Variants in CPNE7 observed in about 807,000 individuals in gnomAD.
CPNE7 encodes copine 7.
CPNE7 carries 78 observed loss-of-function variants against 66.5 expected under a neutral mutation model. That is an observed-to-expected ratio of 1.17 (90% CI 0.98 to 1.42). CPNE7 has a LOEUF of 1.42. Among genes scored for constraint, CPNE7 ranks in the 40% most tolerant of loss-of-function variants. The probability of loss-of-function intolerance (pLI) is 0.00; values close to 1 mark genes in which losing one functional copy is unlikely to be tolerated. For missense variants in CPNE7, 1,012 were observed against 776.6 expected (o/e 1.30, Z -3.60); for synonymous variants, 468 against 336.7 (o/e 1.39, Z -4.27).
chr16:89,584,543 G>T lies in CPNE7; in HGVS notation c.508-231G>T, dbSNP rs776760220. Among the ~76,000 whole-genome samples, 2 of 151,826 alleles carry T rather than the reference G, an allele frequency of 1.3e-5. No individual in the cohort carries two copies. The highest frequency in any genetic ancestry group is 4.8e-5 in the African/African-American group (2 of 41,362). On this transcript the variant is annotated intron_variant, in intron 4 of 14. Transcript: ENST00000319518. This position sits in a 1 kb window ranked among gnomAD's most constrained non-coding sequence, Gnocchi z 6.0. ...GGGCAAGTCCGTGGAGGGCTGAGTC[G>T]CAGGGTGTGCAGGGTGACTCCATGG...
intron 7 of CPNE7, 83 bp from the exon 8 acceptor site, chr16:89,586,587 A>G (rs2059043178): frequency 1.8e-6 from 2 of 1,126,868 alleles, no homozygotes; most frequent in Non-Finnish European, 2.7e-6. Flanking sequence ...TGCCGTCGCT[A>G]TTGGGGATGG....
chr16:89,588,901 G>A, intron 10 of CPNE7, 93 bp downstream of exon 10: 2 of 1,528,990 alleles, frequency 1.3e-6, no homozygotes, highest in Admixed American at 1.7e-5. Flanking sequence ...CTGGTCTCCA[G>A]GTCAGCTATG....
chr16:89,586,981 C>T, intron 8 of CPNE7, 62 bp from the exon 9 acceptor site: 2 of 1,502,794 alleles, frequency 1.3e-6, no homozygotes, highest in South Asian at 1.2e-5. Context: ...AGGCCTGGAT[C>T]CCAGCTGGCA....
At chr16:89,578,976 G>C (rs142856114) in intron 2 of CPNE7, 1 of 1,604,912 alleles carries the variant, frequency 6.2e-7, no homozygotes, top group Non-Finnish European at 8.5e-7. Flanking sequence ...TTGCCAGGAC[G>C]GGTCCTTCTT....
chr16:89,577,282 G>A (rs765944169), intron 1 of CPNE7, among the ~76,000 whole-genome samples: 30 of 152,108 alleles, frequency 2.0e-4, no homozygotes, highest in Non-Finnish European at 4.1e-4. Flanking sequence ...CCGACTCAGC[G>A]TGTCATTCTC....
chr16:89,586,552 C>A, intron 7 of CPNE7, 118 bp from the exon 8 acceptor site: 2 of 775,330 alleles, frequency 2.6e-6, no homozygotes, highest in South Asian at 1.6e-5. Context: ...GTGCCCTCCC[C>A]TCCCCTCCCC....
At chr16:89,590,204 G>A (rs559045164) in intron 11 of CPNE7, among the ~76,000 whole-genome samples, 1 of 152,230 alleles carries the variant, frequency 6.6e-6, no homozygotes, top group African/African-American at 2.4e-5. Flanking sequence ...GGACGTTAGT[G>A]TGGAATCCTC....
In CPNE7 at chr16:89,587,501, G is replaced by A. The variant is rs1473695339; in HGVS notation, c.927+399G>A. The A allele has an allele frequency of 6.2e-4, 280 of 450,738 alleles. 4 individuals carry two copies. The highest frequency in any genetic ancestry group is 1.0e-3 in the South Asian group (65 of 64,228). The allele number at this position is 450,738 out of a possible 1,614,324, so 27.9% of individuals were successfully genotyped here. A position where few individuals can be genotyped will look rare whatever the true frequency, so the allele number is the denominator to read the frequency against. On this transcript the variant is annotated intron_variant, in intron 9 of 14. Transcript: ENST00000319518. ...GGGTTCAGGAAGCAGCCCCAAGCCC[G>A]CCTTGGGAGGTGACATCACCAGGGC...
chr16:89,586,755 AG>A lies in CPNE7; in HGVS notation c.867+1del. On this transcript the variant is annotated frameshift_variant and splice_region_variant, in exon 8 of 15. Transcript: ENST00000319518. LOFTEE classifies it high-confidence loss of function. The part of the protein sequence containing the change: ...NSGVVVLADL[K>X]FHRVYSFLDY... ...GGAGTGGTCGTCCTGGCTGACCTCA[AG>A]GTGAGAGGTGGCTGTGCCCGAAGCC... 2 of 1,611,982 alleles carry A rather than the reference AG, an allele frequency of 1.2e-6. No homozygotes were observed. The highest frequency in any genetic ancestry group is 1.3e-5 in the African/African-American group (1 of 74,718).
rs1366022733 is a variant in CPNE7 at position 89,576,072 on chromosome 16, G to A, written c.174+1G>A. On this transcript the variant is annotated splice_donor_variant, in intron 1 of 14. Transcript: ENST00000319518. LOFTEE classifies it high-confidence loss of function. ...GCAGGCGCAGGGCCAGTGGGTGCAG[G>A]TAGGGCCGGGGCGTGGGAGGCCGAG... The A allele has an allele frequency of 7.9e-7, 1 of 1,271,056 alleles. No individual in the cohort carries two copies. The highest frequency in any genetic ancestry group is 9.9e-7 in the Non-Finnish European group (1 of 1,008,432). The allele number at this position is 1,271,056 out of a possible 1,614,324, so 78.7% of individuals were successfully genotyped here. A position where few individuals can be genotyped will look rare whatever the true frequency, so the allele number is the denominator to read the frequency against.
At chr16:89,578,269 T>C (rs1316085703) in intron 2 of CPNE7, among the ~76,000 whole-genome samples, 2 of 151,984 alleles carry the variant, frequency 1.3e-5, no homozygotes, top group African/African-American at 4.8e-5. Flanking sequence ...TTCACCATGT[T>C]GGTCAGGCTG....
chr16:89,576,725 C>A (rs1459844508), intron 1 of CPNE7, among the ~76,000 whole-genome samples: 1 of 152,140 alleles, frequency 6.6e-6, no homozygotes, highest in Non-Finnish European at 1.5e-5. Flanking sequence ...CCAGTCCGCG[C>A]GGGGCGCCAG....
At chr16:89,586,455 A>G (rs1255971930) in intron 7 of CPNE7, among the ~76,000 whole-genome samples, 1 of 151,646 alleles carries the variant, frequency 6.6e-6, no homozygotes, top group African/African-American at 2.4e-5. Context: ...GGGCTTAATG[A>G]CAGGGCCATG....
chr16:89,596,529 A>T lies in CPNE7; in HGVS notation c.1585A>T (p.Lys529Ter), dbSNP rs2059258636. 3 of 1,609,984 alleles carry T rather than the reference A, an allele frequency of 1.9e-6. No homozygotes were observed. The highest frequency in any genetic ancestry group is 2.5e-6 in the Non-Finnish European group (3 of 1,179,772). Residue 529 changes from lysine to a stop codon, truncating the protein, a stop_gained, in exon 15 of 15, where the codon AAG (lysine) becomes TAG (stop). Transcript: ENST00000319518. LOFTEE classifies it low-confidence loss of function (END_TRUNC). ...CAAGTGCGTGCTGGCCGAGGTCCCG[A>T]AGCAGGTGGTGGAGTACTACAGCCA... ...LAKCVLAEVPKQVVEYYSHRG... is the reference protein window; with the variant it reads ...LAKCVLAEVP
Position 89,579,304 on chromosome 16 carries a change from A to T in CPNE7, c.357+1583A>T, listed in dbSNP as rs566962958. Among the ~76,000 whole-genome samples, 252 of 151,786 alleles carry T rather than the reference A, an allele frequency of 1.7e-3. 1 individual carries two copies. The highest frequency in any genetic ancestry group is 5.4e-3 in the African/African-American group (221 of 41,164). ...GTCTTTGTCTCAAAAAAAAAAAAAAATTTTACGATAAAATGCATCAATCTT... is the reference window on the plus strand; with the variant it reads ...GTCTTTGTCTCAAAAAAAAAAAAAATTTTTACGATAAAATGCATCAATCTT... On this transcript the variant is annotated intron_variant, in intron 2 of 14. Transcript: ENST00000319518.
chr16:89,596,750 C>T lies in CPNE7; in HGVS notation c.*129C>T, dbSNP rs1053351684. The T allele has an allele frequency of 1.0e-5, 12 of 1,170,414 alleles. No individual in the cohort carries two copies. The African/African-American group carries it at 1.4e-4, about 14-fold the overall frequency. The allele number at this position is 1,170,414 out of a possible 1,614,324, so 72.5% of individuals were successfully genotyped here. A position where few individuals can be genotyped will look rare whatever the true frequency, so the allele number is the denominator to read the frequency against. On this transcript the variant is annotated 3_prime_UTR_variant, in exon 15 of 15. Coordinates refer to ENST00000319518, the MANE Select transcript of CPNE7 (RefSeq NM_153636.3). The stretch of plus-strand genomic sequence containing the variant: ...CTCCAGTCCCCACCAGGCCCCACTC[C>T]CAGTCCTCCTGGGATCCTGCTGGCT...
At chr16:89,579,365 C>T (rs991053536) in intron 2 of CPNE7, among the ~76,000 whole-genome samples, 1 of 152,144 alleles carries the variant, frequency 6.6e-6, no homozygotes, top group African/African-American at 2.4e-5. Flanking sequence ...TGACTGTACA[C>T]AGCTGACCAT....
In CPNE7 at chr16:89,593,342, G is replaced by A. The variant is rs375338581; in HGVS notation, c.1303-2025G>A. The stretch of plus-strand genomic sequence containing the variant: ...GTCCGAGAGCACGTTGCAACATCAC[G>A]GTTTTACCTCTTAATATTTTTTTTT... On this transcript the variant is annotated intron_variant, in intron 13 of 14. Coordinates refer to ENST00000319518, the MANE Select transcript of CPNE7 (RefSeq NM_153636.3). 2.5e-4 allele frequency among the ~76,000 whole-genome samples: 38 copies of A among 151,084 alleles called. 1 individual carries two copies. Among genetic ancestry groups the A allele is most frequent in the African/African-American group, 5.9e-4 (24 of 41,008 alleles).
At chr16:89,589,815 C>T (rs1163024779) in intron 10 of CPNE7, 82 bp from the exon 11 acceptor site, 8 of 1,500,416 alleles carry the variant, frequency 5.3e-6, no homozygotes, top group Non-Finnish European at 7.4e-6. Flanking sequence ...CTTTTGGGCG[C>T]CAGTCATGTC....
Sources: gnomAD v4.1 joint callset for allele counts (sites outside exome capture counted in the v4.1 genomes callset) on GRCh38, gnomAD v4.1.1 for gene constraint, Gnocchi (gnomAD v3.1) non-coding constraint, MANE v1.5 for transcripts, NCBI Gene and HGNC (gene_info 2026-07-23, HGNC 2026-07-21) for gene names.